Variants in CSMD1 observed in about 807,000 individuals in gnomAD.
The protein encoded by CSMD1 is CUB and Sushi multiple domains 1.
Under a neutral mutation model 417.5 loss-of-function variants are expected in CSMD1, and 213 were observed. The ratio of observed to expected loss-of-function variants is 0.51; its 90% CI spans 0.46 to 0.57. CSMD1 has a LOEUF of 0.57. Ranked by LOEUF, CSMD1 falls within the 20% of genes least tolerant of loss-of-function variation. The probability of loss-of-function intolerance (pLI) is 0.00; values close to 1 mark genes in which losing one functional copy is unlikely to be tolerated. For synonymous variants in CSMD1, 2,862 were observed against 1,736.8 expected, an observed-to-expected ratio of 1.65 and a Z score of -16.11; for missense variants, 6,923 against 4,529.7, an observed-to-expected ratio of 1.53 and a Z score of -15.17.
intron 7 of CSMD1, among the ~76,000 whole-genome samples, chr8:3,680,414 C>T (rs528490561): frequency 1.8e-4 from 28 of 152,212 alleles, no homozygotes; most frequent in South Asian, 6.2e-4. Flanking sequence ...AACACCTCTA[C>T]GCAAATGAAC....
At chr8:4,230,018 A>T (rs1233100802) in intron 3 of CSMD1, among the ~76,000 whole-genome samples, 1 of 152,224 alleles carries the variant, frequency 6.6e-6, no homozygotes, top group Non-Finnish European at 1.5e-5. Flanking sequence ...TGATTTTGCT[A>T]TTCAACATTT....
intron 1 of CSMD1, among the ~76,000 whole-genome samples, chr8:4,820,911 G>T (rs571325605): frequency 6.6e-6 from 1 of 152,176 alleles, no homozygotes; most frequent in African/African-American, 2.4e-5. Context: ...TTAACTTGCA[G>T]ATGTGTATAT....
At chr8:4,731,685 G>A (rs1191907319) in intron 1 of CSMD1, among the ~76,000 whole-genome samples, 1 of 152,142 alleles carries the variant, frequency 6.6e-6, no homozygotes, top group Non-Finnish European at 1.5e-5. Flanking sequence ...CTGAAGACTA[G>A]CACTGTTTCA....
intron 41 of CSMD1, among the ~76,000 whole-genome samples, chr8:3,136,291 C>G (rs1183329760): frequency 2.0e-5 from 3 of 147,524 alleles, no homozygotes; most frequent in Non-Finnish European, 3.0e-5. Context: ...GAGTTTCGCT[C>G]TGTCACCCAG....
Position 3,932,536 on chromosome 8 carries a change from GC to G in CSMD1, c.818+65366del, listed in dbSNP as rs75927203. Among the ~76,000 whole-genome samples, 1,205 of 150,634 alleles carry G rather than the reference GC, an allele frequency of 8.0e-3. 94 individuals are homozygous for G. In the East Asian group the frequency reaches 0.1, roughly 13 times the overall value. ...ATGTTAGCCTTATTAAATCAATCAA[GC>G]CCCACAATTAAAGTTCAATGCATTG... is the stretch of plus-strand genomic sequence containing the variant. On this transcript the variant is annotated intron_variant, in intron 5 of 69. Transcript: ENST00000635120.
intron 2 of CSMD1, among the ~76,000 whole-genome samples, chr8:4,625,881 G>C (rs10100693): frequency 0.28 from 43,121 of 151,736 alleles, 6,512 homozygotes; most frequent in Middle Eastern, 0.41. Context: ...ACACCCCCAC[G>C]CCTGGCTAAT....
chr8:3,055,119 G>T (rs192637790), intron 49 of CSMD1, among the ~76,000 whole-genome samples: 2 of 152,280 alleles, frequency 1.3e-5, no homozygotes, highest in Admixed American at 6.5e-5. Flanking sequence ...GGAAAGAAAT[G>T]ACATTTTTCT....
chr8:4,313,975 C>A (rs1277396172), intron 3 of CSMD1, among the ~76,000 whole-genome samples: 2 of 151,696 alleles, frequency 1.3e-5, no homozygotes, highest in Non-Finnish European at 2.9e-5. Flanking sequence ...GACTGCGCCC[C>A]TGCACTCCAG....
At chr8:4,713,567 A>C (rs952251233) in intron 1 of CSMD1, among the ~76,000 whole-genome samples, 2 of 152,066 alleles carry the variant, frequency 1.3e-5, no homozygotes, top group Non-Finnish European at 2.9e-5. Flanking sequence ...ACGCCTAGTT[A>C]ATTTTTTATT....
At chr8:4,463,865 G>C (rs774100426) in intron 2 of CSMD1, among the ~76,000 whole-genome samples, 12 of 152,070 alleles carry the variant, frequency 7.9e-5, no homozygotes, top group African/African-American at 1.9e-4. Context: ...GCACTGAAGA[G>C]TACACTTCAG....
chr8:3,623,240 A>C (rs1796341150), intron 7 of CSMD1, among the ~76,000 whole-genome samples: 1 of 152,238 alleles, frequency 6.6e-6, no homozygotes, highest in Admixed American at 6.5e-5. Context: ...ATACCTCATT[A>C]GATCTGCACA....
At chr8:4,109,960 T>A (rs1801765993) in intron 3 of CSMD1, among the ~76,000 whole-genome samples, 2 of 152,114 alleles carry the variant, frequency 1.3e-5, no homozygotes, top group Admixed American at 6.6e-5. Flanking sequence ...AATAATACTC[T>A]ATGAAAAAGT....
chr8:4,808,355 G>A (rs187894964), intron 1 of CSMD1, among the ~76,000 whole-genome samples: 105 of 152,254 alleles, frequency 6.9e-4, no homozygotes, highest in Middle Eastern at 3.4e-3. Context: ...GACAATCATT[G>A]GTAGGGCACT....
chr8:4,982,097 C>A (rs1273972697), intron 1 of CSMD1, among the ~76,000 whole-genome samples: 2 of 152,190 alleles, frequency 1.3e-5, no homozygotes, highest in East Asian at 3.8e-4. Flanking sequence ...AGCTGAGCCT[C>A]AGGTGGCAAT....
At chr8:4,737,649 A>C (rs918253574) in intron 1 of CSMD1, among the ~76,000 whole-genome samples, 1 of 152,232 alleles carries the variant, frequency 6.6e-6, no homozygotes, top group African/African-American at 2.4e-5. Flanking sequence ...TGGTTGAGAT[A>C]AAAGAAAAAG....
intron 6 of CSMD1, among the ~76,000 whole-genome samples, chr8:3,723,991 T>C (rs1443008769): frequency 3.9e-5 from 2 of 51,614 alleles, no homozygotes; most frequent in East Asian, 7.4e-4. Context: ...AAATGTCCAC[T>C]ATTATCTAAG....
intron 43 of CSMD1, among the ~76,000 whole-genome samples, chr8:3,109,117 T>G (rs1362888677): frequency 6.6e-6 from 1 of 152,084 alleles, no homozygotes; most frequent in Non-Finnish European, 1.5e-5. Context: ...TTACAAAAAT[T>G]AGCTGGGCCT....
At chr8:3,222,045 G>C (rs1437769211) in intron 28 of CSMD1, among the ~76,000 whole-genome samples, 1 of 152,142 alleles carries the variant, frequency 6.6e-6, no homozygotes, top group East Asian at 1.9e-4. Context: ...CTACTTCCCA[G>C]GTAGATGTCT....
chr8:4,186,904 G>T (rs573965794), intron 3 of CSMD1, among the ~76,000 whole-genome samples: 2 of 151,904 alleles, frequency 1.3e-5, no homozygotes, highest in African/African-American at 2.4e-5. Flanking sequence ...GCTGAGGCAG[G>T]AGAATCACCT....
Sources: allele counts gnomAD v4.1 joint callset (sites outside exome capture counted in the v4.1 genomes callset), GRCh38; gene constraint gnomAD v4.1.1; transcripts MANE v1.5; gene names NCBI Gene and HGNC (gene_info 2026-07-23, HGNC 2026-07-21).